The following TENM3 variants were observed in gnomAD, a reference collection of about 807,000 sequenced individuals.
TENM3 encodes the protein teneurin transmembrane protein 3.
In TENM3, 63 loss-of-function variants were observed where a neutral mutation model predicts 255.1. The ratio of observed to expected loss-of-function variants is 0.25; its 90% CI spans 0.20 to 0.30. The LOEUF is 0.30. Ranked by LOEUF, TENM3 falls within the 10% of genes least tolerant of loss-of-function variation. The probability of loss-of-function intolerance (pLI) is 1.00; values close to 1 mark genes in which losing one functional copy is unlikely to be tolerated. For synonymous variants in TENM3, 1,306 were observed against 1,322.3 expected, an observed-to-expected ratio of 0.99 and a Z score of 0.27; for missense variants, 2,929 against 3,461.1, an observed-to-expected ratio of 0.85 and a Z score of 3.86.
the TENM3 span, among the ~76,000 whole-genome samples, chr4:182,054,623 G>A: frequency 6.6e-6 from 1 of 152,016 alleles, no homozygotes; most frequent in Non-Finnish European, 1.5e-5. Flanking sequence ...TAACATGAAG[G>A]ATATTAGATT....
At chr4:181,868,600 C>T in the TENM3 span, among the ~76,000 whole-genome samples, 6 of 152,074 alleles carry the variant, frequency 3.9e-5, no homozygotes, top group East Asian at 1.2e-3. Context: ...CCAAGATCAG[C>T]AAAGGTATTC....
the TENM3 span, among the ~76,000 whole-genome samples, chr4:181,956,851 G>A: frequency 1.3e-5 from 2 of 152,074 alleles, no homozygotes; most frequent in South Asian, 2.1e-4. Context: ...TTAGATTAAC[G>A]GGCAACAAAT....
At chr4:181,605,478 CAGAGAAAGAAAGAAAGAAAGAA>C in the TENM3 span, among the ~76,000 whole-genome samples, 1 of 72,842 alleles carries the variant, frequency 1.4e-5, no homozygotes, top group African/African-American at 5.7e-5. Flanking sequence ...GAGAGAGAAA[CAGAGAAAGAAAGAAAGAAAGAA>C]AGAAAGAAAG....
At chr4:182,549,077 ATT>A (rs1406617650) in intron 3 of TENM3, among the ~76,000 whole-genome samples, 1 of 152,212 alleles carries the variant, frequency 6.6e-6, no homozygotes, top group Non-Finnish European at 1.5e-5. Context: ...GTAAGATAGA[ATT>A]TTAAAGTCGG....
At chr4:182,154,590 C>T (rs1385005176) in intron 1 of TENM3, among the ~76,000 whole-genome samples, 1 of 152,110 alleles carries the variant, frequency 6.6e-6, no homozygotes, top group Non-Finnish European at 1.5e-5. Flanking sequence ...GAATGCTTTT[C>T]CATTTATGCC....
the TENM3 span, among the ~76,000 whole-genome samples, chr4:181,910,289 G>A: frequency 5.9e-5 from 9 of 151,910 alleles, no homozygotes; most frequent in East Asian, 1.9e-4. Flanking sequence ...TATACAGGCC[G>A]GGTGCAGTGG....
At chr4:181,521,389 C>A in the TENM3 span, among the ~76,000 whole-genome samples, 2 of 152,232 alleles carry the variant, frequency 1.3e-5, no homozygotes, top group Admixed American at 6.5e-5. Flanking sequence ...TAAGTGTGGT[C>A]TGGTGTACAA....
At chr4:181,772,069 A>G in the TENM3 span, among the ~76,000 whole-genome samples, 1 of 152,194 alleles carries the variant, frequency 6.6e-6, no homozygotes, top group Non-Finnish European at 1.5e-5. Flanking sequence ...AAGAAAATTT[A>G]TGATATGACT....
At chr4:181,628,812 T>A in the TENM3 span, among the ~76,000 whole-genome samples, 1 of 152,198 alleles carries the variant, frequency 6.6e-6, no homozygotes, top group African/African-American at 2.4e-5. Flanking sequence ...GACTTGGCAG[T>A]GCGGCCTCTT....
Position 182,228,358 on chromosome 4 carries a change from A to ATGTGTGTGTGTGTG in TENM3, c.-76+83626_-76+83639dup, listed in dbSNP as rs141968345. ...CCTTAAATATATATAATGTAATGTA[A>ATGTGTGTGTGTGTG]TGTGTGTGTGTGTGTGTGTGTGTGT... On this transcript the variant is annotated intron_variant, in intron 1 of 2. Coordinates refer to the TENM3 transcript ENST00000512480. Among the ~76,000 whole-genome samples the ATGTGTGTGTGTGTG allele has an allele frequency of 6.7e-4, 73 of 109,110 alleles. 4 individuals are homozygous for ATGTGTGTGTGTGTG. Among genetic ancestry groups the ATGTGTGTGTGTGTG allele is most frequent in the African/African-American group, 2.6e-3 (71 of 27,708 alleles). The allele number at this position is 109,110 out of a possible 152,430, so 71.6% of individuals were successfully genotyped here. A position where few individuals can be genotyped will look rare whatever the true frequency, so the allele number is the denominator to read the frequency against.
intron 1 of TENM3, among the ~76,000 whole-genome samples, chr4:182,294,106 C>G (rs1199437081): frequency 6.6e-6 from 1 of 151,898 alleles, no homozygotes; most frequent in Non-Finnish European, 1.5e-5. Flanking sequence ...CTACCATCTG[C>G]GTCTCTGCCT....
intron 3 of TENM3, among the ~76,000 whole-genome samples, chr4:182,519,415 G>C (rs7687177): frequency 0.55 from 83,381 of 151,942 alleles, 23,388 homozygotes; most frequent in East Asian, 0.67. Context: ...TCAGAAATAA[G>C]CATTGTTAAT....
At chr4:182,692,827 TAAG>T (rs1757108905) in intron 12 of TENM3, among the ~76,000 whole-genome samples, 1 of 152,130 alleles carries the variant, frequency 6.6e-6, no homozygotes, top group South Asian at 2.1e-4. Context: ...TTTGTTAGCT[TAAG>T]GAGTATTTTT....
chr4:181,571,212 A>G, the TENM3 span, among the ~76,000 whole-genome samples: 2 of 152,146 alleles, frequency 1.3e-5, no homozygotes, highest in Non-Finnish European at 2.9e-5. Context: ...TGGAGGCGGG[A>G]AAGTAGAAAG....
At chr4:182,341,623 T>G (rs903203350) in intron 2 of TENM3, among the ~76,000 whole-genome samples, 14 of 152,330 alleles carry the variant, frequency 9.2e-5, no homozygotes, top group Non-Finnish European at 1.8e-4. Flanking sequence ...TTATTTAAAA[T>G]TTTGCAACAA....
At chr4:182,009,391 G>T in the TENM3 span, among the ~76,000 whole-genome samples, 1 of 151,726 alleles carries the variant, frequency 6.6e-6, no homozygotes. Flanking sequence ...TCAGGTCCTG[G>T]GACATCCGAA....
chr4:182,639,897 C>T (rs958755109), intron 5 of TENM3, among the ~76,000 whole-genome samples: 16 of 151,888 alleles, frequency 1.1e-4, no homozygotes, highest in African/African-American at 3.6e-4. Flanking sequence ...TGAGACCATC[C>T]TGACCAACAT....
chr4:182,404,008 C>A (rs1491002237), intron 3 of TENM3, among the ~76,000 whole-genome samples: 1 of 152,228 alleles, frequency 6.6e-6, no homozygotes, highest in African/African-American at 2.4e-5. Flanking sequence ...AGGCAAGAAC[C>A]ACTGCACCAA....
At chr4:182,118,983 C>T in the TENM3 span, among the ~76,000 whole-genome samples, 1 of 152,112 alleles carries the variant, frequency 6.6e-6, no homozygotes, top group Non-Finnish European at 1.5e-5. Context: ...ATGTGGTGGT[C>T]AGGTGTCAAG....
Sources: gnomAD v4.1 joint callset for allele counts (sites outside exome capture counted in the v4.1 genomes callset) on GRCh38, gnomAD v4.1.1 for gene constraint, MANE v1.5 for transcripts, NCBI Gene and HGNC (gene_info 2026-07-23, HGNC 2026-07-21) for gene names.